Variants in CYP39A1 observed in about 807,000 individuals in gnomAD.
The protein encoded by CYP39A1 is cytochrome P450 family 39 subfamily A member 1.
In CYP39A1, 49 loss-of-function variants were observed where a neutral mutation model predicts 58.1. That is an observed-to-expected ratio of 0.84 (90% CI 0.67 to 1.07). CYP39A1 has a LOEUF of 1.07. Among genes scored for constraint, CYP39A1 ranks in the 50% least tolerant of loss-of-function variants. CYP39A1 has a pLI of 0.00. For missense variants in CYP39A1, 531 were observed against 539.4 expected (o/e 0.98, Z 0.16); for synonymous variants, 209 against 187.6 (o/e 1.11, Z -0.93).
intron 11 of CYP39A1, among the ~76,000 whole-genome samples, chr6:46,553,215 C>G (rs1278600277): frequency 1.3e-5 from 2 of 152,102 alleles, no homozygotes; most frequent in African/African-American, 4.8e-5. Flanking sequence ...GATGCTCACA[C>G]CAATTCGAGA....
At chr6:46,635,889 A>G (rs1178189818) in intron 5 of CYP39A1, among the ~76,000 whole-genome samples, 1 of 152,156 alleles carries the variant, frequency 6.6e-6, no homozygotes, top group African/African-American at 2.4e-5. Context: ...ACTGAGTCCC[A>G]GGTGATGCTG....
At chr6:46,622,101 A>C (rs1031848289) in intron 7 of CYP39A1, among the ~76,000 whole-genome samples, 1 of 152,120 alleles carries the variant, frequency 6.6e-6, no homozygotes, top group Non-Finnish European at 1.5e-5. Flanking sequence ...GTTTCCATTT[A>C]TATGGACTGT....
At chr6:46,592,257 C>G (rs1772884137) in intron 8 of CYP39A1, among the ~76,000 whole-genome samples, 1 of 152,046 alleles carries the variant, frequency 6.6e-6, no homozygotes, top group Non-Finnish European at 1.5e-5. Context: ...GAGAATACTT[C>G]TAGTATGCAT....
intron 5 of CYP39A1, among the ~76,000 whole-genome samples, chr6:46,635,642 C>A (rs928118441): frequency 2.0e-5 from 3 of 152,168 alleles, no homozygotes; most frequent in African/African-American, 7.2e-5. Context: ...GCTTTCACTT[C>A]CCCAGGCTCA....
At chr6:46,566,883 T>C (rs866980513) in intron 10 of CYP39A1, among the ~76,000 whole-genome samples, 1 of 151,974 alleles carries the variant, frequency 6.6e-6, no homozygotes, top group Non-Finnish European at 1.5e-5. Flanking sequence ...CATATATACA[T>C]GTACCCATAT....
At chr6:46,551,059 G>A (rs1770370464) in intron 11 of CYP39A1, among the ~76,000 whole-genome samples, 1 of 152,022 alleles carries the variant, frequency 6.6e-6, no homozygotes, top group African/African-American at 2.4e-5. Flanking sequence ...TTGAGGTTTA[G>A]GGGATTAAAA....
chr6:46,583,968 T>C (rs539805293), intron 10 of CYP39A1, among the ~76,000 whole-genome samples: 3 of 152,228 alleles, frequency 2.0e-5, no homozygotes, highest in African/African-American at 7.2e-5. Flanking sequence ...ATTTGGTGCA[T>C]GAGAAAATAA....
intron 10 of CYP39A1, chr6:46,583,506 A>G (rs1772272515): frequency 2.0e-6 from 2 of 985,230 alleles, no homozygotes; most frequent in South Asian, 9.4e-5. Context: ...GTCTGCTATA[A>G]TGAGACTCTT....
intron 7 of CYP39A1, among the ~76,000 whole-genome samples, chr6:46,610,164 T>C (rs1012655153): frequency 1.3e-5 from 2 of 152,244 alleles, no homozygotes; most frequent in Non-Finnish European, 2.9e-5. Context: ...ACAGTTTTAG[T>C]TTTGAAAGAG....
chr6:46,572,410 T>C (rs976824105), intron 10 of CYP39A1, among the ~76,000 whole-genome samples: 1 of 152,194 alleles, frequency 6.6e-6, no homozygotes, highest in African/African-American at 2.4e-5. Flanking sequence ...TATCTCACCT[T>C]CATTTTTGAA....
At chr6:46,557,098 C>A (rs1232494605) in intron 10 of CYP39A1, among the ~76,000 whole-genome samples, 1 of 150,882 alleles carries the variant, frequency 6.6e-6, no homozygotes, top group Non-Finnish European at 1.5e-5. Flanking sequence ...TAAAATGCTG[C>A]CAAAGAAAAG....
At chr6:46,589,256 C>T (rs1020426415) in intron 8 of CYP39A1, among the ~76,000 whole-genome samples, 3 of 151,888 alleles carry the variant, frequency 2.0e-5, no homozygotes, top group Non-Finnish European at 4.4e-5. Context: ...AGTTTGAGAC[C>T]AGCCTAGGCA....
At chr6:46,614,488 A>G (rs1774411723) in intron 7 of CYP39A1, among the ~76,000 whole-genome samples, 1 of 152,188 alleles carries the variant, frequency 6.6e-6, no homozygotes, top group Non-Finnish European at 1.5e-5. Context: ...TTTCCAATGT[A>G]AAAAGTCCAC....
At chr6:46,643,046 C>G (rs1007777605) in intron 1 of CYP39A1, among the ~76,000 whole-genome samples, 20 of 152,108 alleles carry the variant, frequency 1.3e-4, no homozygotes, top group African/African-American at 4.6e-4. Context: ...ATTTATGACT[C>G]TCTCTCTCCT....
chr6:46,559,995 T>C (rs577496612), intron 10 of CYP39A1, among the ~76,000 whole-genome samples: 2 of 152,278 alleles, frequency 1.3e-5, no homozygotes, highest in East Asian at 3.9e-4. Context: ...GAATGCATTC[T>C]AGAATAATAA....
chr6:46,625,013 A>T (rs1399429903), intron 7 of CYP39A1, among the ~76,000 whole-genome samples: 2 of 152,084 alleles, frequency 1.3e-5, no homozygotes, highest in Non-Finnish European at 2.9e-5. Flanking sequence ...CTACAGTCCT[A>T]TTAGGGCTCT....
intron 1 of CYP39A1, among the ~76,000 whole-genome samples, chr6:46,645,918 T>C (rs978460009): frequency 5.3e-5 from 8 of 152,138 alleles, no homozygotes; most frequent in Admixed American, 3.3e-4. Context: ...TTTTAAATGG[T>C]AATGTATTTT....
chr6:46,576,774 C>T (rs913729300), intron 10 of CYP39A1, among the ~76,000 whole-genome samples: 14 of 152,046 alleles, frequency 9.2e-5, no homozygotes, highest in African/African-American at 2.9e-4. Context: ...TTCAAATCAA[C>T]GCAGGCAGAC....
chr6:46,601,781 A>G (rs1773523596), intron 7 of CYP39A1, among the ~76,000 whole-genome samples: 1 of 151,558 alleles, frequency 6.6e-6, no homozygotes, highest in Non-Finnish European at 1.5e-5. Context: ...TCAGCCTCCC[A>G]AAGTGTTGGG....
Sources: gnomAD v4.1 joint callset for allele counts (sites outside exome capture counted in the v4.1 genomes callset) on GRCh38, gnomAD v4.1.1 for gene constraint, MANE v1.5 for transcripts, NCBI Gene and HGNC (gene_info 2026-07-23, HGNC 2026-07-21) for gene names.